SPMAP2L: variants seen among roughly 807,000 people sequenced by gnomAD.
SPMAP2L encodes sperm microtubule associated protein 2-like.
At chr4:56,611,359 G>A in the SPMAP2L span, among the ~76,000 whole-genome samples, 222 of 152,252 alleles carry the variant, frequency 1.5e-3, no homozygotes, top group African/African-American at 5.2e-3. Context: ...TGTTCTCATA[G>A]GTGGGAGATA....
At chr4:56,569,313 C>G in the SPMAP2L span, among the ~76,000 whole-genome samples, 10 of 152,200 alleles carry the variant, frequency 6.6e-5, no homozygotes, top group Non-Finnish European at 1.2e-4. Flanking sequence ...CTTACCAACA[C>G]TTGTTATTAT....
chr4:56,590,448 C>G, the SPMAP2L span, among the ~76,000 whole-genome samples: 7 of 152,168 alleles, frequency 4.6e-5, no homozygotes, highest in Non-Finnish European at 1.5e-5. Flanking sequence ...ACAAAAAGTT[C>G]ATTCACATAG....
chr4:56,590,116 T>G, the SPMAP2L span, among the ~76,000 whole-genome samples: 1 of 152,184 alleles, frequency 6.6e-6, no homozygotes, highest in African/African-American at 2.4e-5. Flanking sequence ...ACTTTCAACT[T>G]TTCCCCATTC....
chr4:56,602,785 T>C, the SPMAP2L span, among the ~76,000 whole-genome samples: 5 of 152,168 alleles, frequency 3.3e-5, no homozygotes, highest in Non-Finnish European at 7.3e-5. Context: ...AAATTATTAT[T>C]TGGTGGTAAG....
At chr4:56,573,848 G>A in the SPMAP2L span, among the ~76,000 whole-genome samples, 1 of 151,964 alleles carries the variant, frequency 6.6e-6, no homozygotes, top group African/African-American at 2.4e-5. Flanking sequence ...GAGCAAGGGG[G>A]ATACAGTCTT....
the SPMAP2L span, chr4:56,596,645 A>G: frequency 6.7e-7 from 1 of 1,502,938 alleles, no homozygotes; most frequent in East Asian, 2.5e-5. Flanking sequence ...AGCCATCGCT[A>G]CCTTGGTATC....
chr4:56,594,590 C>A, the SPMAP2L span: 3 of 1,583,570 alleles, frequency 1.9e-6, no homozygotes, highest in Admixed American at 5.0e-5. Flanking sequence ...AACGGTTTGC[C>A]TCATTCTGAA....
At chr4:56,619,038 G>A in the SPMAP2L span, among the ~76,000 whole-genome samples, 15 of 152,114 alleles carry the variant, frequency 9.9e-5, no homozygotes, top group South Asian at 2.1e-4. Context: ...GCTTTCCCCT[G>A]GTCCTACAAG....
At chr4:56,568,282 T>C in the SPMAP2L span, among the ~76,000 whole-genome samples, 1 of 152,236 alleles carries the variant, frequency 6.6e-6, no homozygotes, top group Admixed American at 6.5e-5. Flanking sequence ...CTGTTTCTAA[T>C]GATTGATTTT....
chr4:56,600,624 T>A, the SPMAP2L span, among the ~76,000 whole-genome samples: 1 of 152,248 alleles, frequency 6.6e-6, no homozygotes, highest in South Asian at 2.1e-4. Context: ...AGCGATATGA[T>A]CTGATTTGGG....
the SPMAP2L span, chr4:56,594,770 G>A: frequency 2.0e-6 from 3 of 1,511,874 alleles, no homozygotes; most frequent in Non-Finnish European, 2.8e-6. Context: ...CACCAATGGG[G>A]TGTTTGAAGA....
At chr4:56,616,026 G>T in the SPMAP2L span, among the ~76,000 whole-genome samples, 1 of 152,132 alleles carries the variant, frequency 6.6e-6, no homozygotes, top group Non-Finnish European at 1.5e-5. Context: ...CTGAATTGGG[G>T]CTTGAGAGTG....
chr4:56,595,293 G>A, the SPMAP2L span: 1 of 1,612,816 alleles, frequency 6.2e-7, no homozygotes, highest in Middle Eastern at 1.7e-4. Context: ...TTGAGGCAGT[G>A]GATGTGGCCA....
At chr4:56,594,859 G>C in the SPMAP2L span, 17 of 1,607,836 alleles carry the variant, frequency 1.1e-5, no homozygotes, top group East Asian at 3.6e-4. Flanking sequence ...TGAACGCTCA[G>C]GTGGGAATCT....
chr4:56,609,306 G>A, the SPMAP2L span, among the ~76,000 whole-genome samples: 1 of 152,112 alleles, frequency 6.6e-6, no homozygotes, highest in African/African-American at 2.4e-5. Flanking sequence ...CTCCCAAAGT[G>A]CTGGGATTAC....
At chr4:56,572,082 A>G in the SPMAP2L span, among the ~76,000 whole-genome samples, 2 of 152,370 alleles carry the variant, frequency 1.3e-5, no homozygotes, top group East Asian at 3.9e-4. Context: ...TAAAATAACA[A>G]TAAAAATACA....
the SPMAP2L span, among the ~76,000 whole-genome samples, chr4:56,536,083 G>A: frequency 6.6e-6 from 1 of 152,252 alleles, no homozygotes; most frequent in Non-Finnish European, 1.5e-5. Context: ...AGTTGAGGCT[G>A]TAATGCCTGC....
At chr4:56,530,724 C>A in the SPMAP2L span, 9 of 1,535,362 alleles carry the variant, frequency 5.9e-6, no homozygotes, top group Non-Finnish European at 7.8e-6. Flanking sequence ...CCGAGGTGAC[C>A]GATGGGCAGG....
chr4:56,575,022 C>T, the SPMAP2L span, among the ~76,000 whole-genome samples: 19 of 151,934 alleles, frequency 1.3e-4, no homozygotes, highest in East Asian at 1.9e-4. Flanking sequence ...AGGCCGAGGC[C>T]GGTGGATCAC....
Sources: gnomAD v4.1 joint callset for allele counts (sites outside exome capture counted in the v4.1 genomes callset) on GRCh38, gnomAD v4.1.1 for gene constraint, MANE v1.5 for transcripts, NCBI Gene and HGNC (gene_info 2026-07-23, HGNC 2026-07-21) for gene names.